Variants in CCDC102B observed in about 807,000 individuals in gnomAD.
CCDC102B encodes the protein coiled-coil domain containing 102B, also known as coiled-coil domain-containing protein 102B.
A neutral mutation model predicts 57.4 loss-of-function variants in CCDC102B; 75 were observed. The ratio of observed to expected loss-of-function variants is 1.31; its 90% CI spans 1.08 to 1.58. The LOEUF is 1.58. Ranked by LOEUF, CCDC102B falls within the 40% of genes most tolerant of loss-of-function variation. CCDC102B has a pLI of 0.00. For synonymous variants in CCDC102B, 206 were observed against 201.9 expected (o/e 1.02, Z -0.17); for missense variants, 636 against 582.6 (o/e 1.09, Z -0.94).
At chr18:68,992,408 A>G (rs1568107445) in intron 6 of CCDC102B, among the ~76,000 whole-genome samples, 1 of 152,158 alleles carries the variant, frequency 6.6e-6, no homozygotes, top group Non-Finnish European at 1.5e-5. Flanking sequence ...CCACATGGCC[A>G]TTCCTGCCTC....
chr18:69,055,868 C>G (rs369111156), downstream of CCDC102B, among the ~76,000 whole-genome samples: 1 of 152,140 alleles, frequency 6.6e-6, no homozygotes, highest in African/African-American at 2.4e-5. Flanking sequence ...TCAGAACCCA[C>G]GAGGGATGGG....
chr18:68,983,144 AG>A (rs2145299344), intron 6 of CCDC102B, among the ~76,000 whole-genome samples: 1 of 151,594 alleles, frequency 6.6e-6, no homozygotes, highest in East Asian at 2.0e-4. Context: ...AGGAATCCTC[AG>A]GGGTGATTAA....
At chr18:69,023,508 C>G (rs2051904038) in intron 7 of CCDC102B, among the ~76,000 whole-genome samples, 1 of 151,488 alleles carries the variant, frequency 6.6e-6, no homozygotes. Context: ...TTAATCTAAT[C>G]TTTATTATAA....
chr18:68,727,524 T>A (rs2032653127), intron 2 of CCDC102B, among the ~76,000 whole-genome samples: 1 of 152,228 alleles, frequency 6.6e-6, no homozygotes, highest in Admixed American at 6.5e-5. Context: ...ACAGAAGCAG[T>A]CTGCTATGAT....
intron 7 of CCDC102B, among the ~76,000 whole-genome samples, chr18:69,046,645 A>G (rs1393946486): frequency 6.6e-6 from 1 of 152,132 alleles, no homozygotes; most frequent in African/African-American, 2.4e-5. Flanking sequence ...TGCTTTTGGC[A>G]TCTTTGTCAT....
At chr18:68,873,487 C>A (rs1188536262) in intron 4 of CCDC102B, among the ~76,000 whole-genome samples, 2 of 152,168 alleles carry the variant, frequency 1.3e-5, no homozygotes, top group East Asian at 3.9e-4. Flanking sequence ...ATGCATTTGG[C>A]AAGAACTTTC....
chr18:68,812,065 A>G (rs2144714745), intron 1 of CCDC102B, among the ~76,000 whole-genome samples: 1 of 152,304 alleles, frequency 6.6e-6, no homozygotes, highest in South Asian at 2.1e-4. Flanking sequence ...TTAGATTTTT[A>G]CCATTACAAA....
chr18:68,956,170 C>T (rs1408405273), intron 6 of CCDC102B, among the ~76,000 whole-genome samples: 1 of 150,544 alleles, frequency 6.6e-6, no homozygotes. Flanking sequence ...GAATAGTAGT[C>T]CATTGTGTAC....
At chr18:68,803,100 A>G (rs952382722) in intron 1 of CCDC102B, among the ~76,000 whole-genome samples, 2 of 152,226 alleles carry the variant, frequency 1.3e-5, no homozygotes, top group Non-Finnish European at 2.9e-5. Context: ...ATTAATTTTA[A>G]AAGCCTATAA....
At chr18:68,863,996 G>A (rs1174839297) in intron 4 of CCDC102B, among the ~76,000 whole-genome samples, 2 of 151,896 alleles carry the variant, frequency 1.3e-5, no homozygotes, top group African/African-American at 4.8e-5. Flanking sequence ...CTTTCAGTGG[G>A]AATTATCTTA....
chr18:68,808,598 C>T (rs2036125421), intron 1 of CCDC102B, among the ~76,000 whole-genome samples: 1 of 151,634 alleles, frequency 6.6e-6, no homozygotes, highest in South Asian at 2.1e-4. Context: ...CTGCCTCAGC[C>T]TCCCGAGTAG....
At chr18:68,764,800 C>A (rs1017436038) in intron 2 of CCDC102B, among the ~76,000 whole-genome samples, 1 of 151,808 alleles carries the variant, frequency 6.6e-6, no homozygotes, top group Non-Finnish European at 1.5e-5. Flanking sequence ...TAATGGGAGA[C>A]CAAGGCAGGC....
At chr18:68,955,789 A>C (rs536725910) in intron 6 of CCDC102B, among the ~76,000 whole-genome samples, 2 of 152,126 alleles carry the variant, frequency 1.3e-5, no homozygotes, top group South Asian at 4.1e-4. Context: ...TTGTGGGTAC[A>C]TAGTAGATGT....
chr18:69,008,117 A>T (rs1028143107), intron 6 of CCDC102B, among the ~76,000 whole-genome samples: 3 of 152,226 alleles, frequency 2.0e-5, no homozygotes, highest in Admixed American at 6.5e-5. Flanking sequence ...TTTGTGCAGC[A>T]AATTCTTTAT....
chr18:68,821,584 A>AC (rs11430052), intron 1 of CCDC102B, among the ~76,000 whole-genome samples: 65,298 of 151,358 alleles, frequency 0.43, 15,378 homozygotes, highest in East Asian at 0.86. Flanking sequence ...GCACTGCAAA[A>AC]CATGCCAAAT....
intron 7 of CCDC102B, among the ~76,000 whole-genome samples, chr18:69,021,766 T>C (rs368897270): frequency 6.6e-6 from 1 of 152,318 alleles, no homozygotes; most frequent in Non-Finnish European, 1.5e-5. Context: ...CCTGTGCCTC[T>C]AGCACTGCCA....
At chr18:68,933,722 G>A (rs2041755210) in intron 6 of CCDC102B, among the ~76,000 whole-genome samples, 1 of 151,856 alleles carries the variant, frequency 6.6e-6, no homozygotes, top group African/African-American at 2.4e-5. Context: ...CCAAATTGTA[G>A]CAGAAGTTTG....
intron 6 of CCDC102B, among the ~76,000 whole-genome samples, chr18:68,967,498 A>G (rs2050194565): frequency 6.6e-6 from 1 of 152,182 alleles, no homozygotes; most frequent in Non-Finnish European, 1.5e-5. Context: ...TTGAACGAAG[A>G]AACAAGTTGA....
chr18:68,888,489 T>C (rs993736881), intron 5 of CCDC102B, among the ~76,000 whole-genome samples: 3 of 152,202 alleles, frequency 2.0e-5, no homozygotes, highest in Non-Finnish European at 2.9e-5. Flanking sequence ...GCTATTGACA[T>C]GTTGTGGGGT....
Sources: allele counts gnomAD v4.1 joint callset (sites outside exome capture counted in the v4.1 genomes callset), GRCh38; gene constraint gnomAD v4.1.1; transcripts MANE v1.5; gene names NCBI Gene and HGNC (gene_info 2026-07-23, HGNC 2026-07-21).